The following FUT9 variants were observed in gnomAD, a reference collection of about 807,000 sequenced individuals.
The protein encoded by FUT9 is fucosyltransferase 9.
FUT9 carries 15 observed loss-of-function variants against 29.7 expected under a neutral mutation model. The ratio of observed to expected loss-of-function variants is 0.51; its 90% CI spans 0.34 to 0.78. The LOEUF is 0.78. Among genes scored for constraint, FUT9 ranks in the 30% least tolerant of loss-of-function variants. The pLI is 0.01. For missense variants in FUT9, 319 were observed against 425.4 expected (o/e 0.75, Z 2.20); for synonymous variants, 169 against 153.7 (o/e 1.10, Z -0.74).
At chr6:96,124,410 A>C (rs1034672360) in intron 2 of FUT9, among the ~76,000 whole-genome samples, 1 of 152,080 alleles carries the variant, frequency 6.6e-6, no homozygotes, top group South Asian at 2.1e-4. Flanking sequence ...TCGGCCTCCC[A>C]AAGTGCTGGG....
chr6:96,092,238 C>A (rs1771423214), intron 1 of FUT9, among the ~76,000 whole-genome samples: 1 of 152,040 alleles, frequency 6.6e-6, no homozygotes, highest in African/African-American at 2.4e-5. Flanking sequence ...TGAATTAGAG[C>A]TGTATAAATC....
intron 1 of FUT9, among the ~76,000 whole-genome samples, chr6:96,033,842 A>T (rs1241022143): frequency 6.6e-6 from 1 of 151,802 alleles, no homozygotes; most frequent in Non-Finnish European, 1.5e-5. Flanking sequence ...AAATACACTC[A>T]CACACAAATG....
rs181393054 is a variant in FUT9 at position 96,046,723 on chromosome 6, G to A, written c.-98+30511G>A. On this transcript the variant is annotated intron_variant, in intron 1 of 2. Transcript: ENST00000302103. The stretch of plus-strand genomic sequence containing the variant: ...GCTCCCCACAAATTCTGGCAACATG[G>A]CAAGTGATTAATGAAGATATATGTT... Among the ~76,000 whole-genome samples, 159 of 152,272 alleles carry A rather than the reference G, an allele frequency of 1.0e-3. 2 individuals carry two copies. Among genetic ancestry groups the A allele is most frequent in the Non-Finnish European group, 2.2e-4 (15 of 68,024 alleles).
At chr6:96,143,636 C>T (rs960056677) in intron 2 of FUT9, among the ~76,000 whole-genome samples, 1 of 152,032 alleles carries the variant, frequency 6.6e-6, no homozygotes, top group South Asian at 2.1e-4. Context: ...ATACCACATC[C>T]TCAATACATG....
At chr6:96,201,107 T>C (rs562406291) in intron 2 of FUT9, among the ~76,000 whole-genome samples, 1 of 152,030 alleles carries the variant, frequency 6.6e-6, no homozygotes, top group Non-Finnish European at 1.5e-5. Context: ...GTATTCCTAA[T>C]TTATTGAATT....
At chr6:96,069,260 G>A (rs1424530814) in intron 1 of FUT9, among the ~76,000 whole-genome samples, 1 of 151,872 alleles carries the variant, frequency 6.6e-6, no homozygotes, top group Non-Finnish European at 1.5e-5. Context: ...GGCGGAGGTT[G>A]CAGTGAGCCG....
At chr6:96,045,053 C>T (rs949909295) in intron 1 of FUT9, among the ~76,000 whole-genome samples, 1 of 152,036 alleles carries the variant, frequency 6.6e-6, no homozygotes, top group Non-Finnish European at 1.5e-5. Flanking sequence ...GGAGATTGAC[C>T]AGGCTCACTG....
intron 2 of FUT9, 130 bp from the exon 3 acceptor site, chr6:96,203,018 G>GA: frequency 1.4e-6 from 1 of 692,898 alleles, no homozygotes; most frequent in Non-Finnish European, 2.3e-6. Context: ...TGATAACACT[G>GA]AAAAGGAAAA....
chr6:96,196,199 C>T (rs1404669422), intron 2 of FUT9, among the ~76,000 whole-genome samples: 1 of 152,018 alleles, frequency 6.6e-6, no homozygotes, highest in Non-Finnish European at 1.5e-5. Flanking sequence ...CTAACAAAGA[C>T]AGATTAATAG....
chr6:96,043,729 G>C lies in FUT9; in HGVS notation c.-98+27517G>C, dbSNP rs184079434. Among the ~76,000 whole-genome samples, 108 of 152,208 alleles carry C rather than the reference G, an allele frequency of 7.1e-4. 1 individual carries two copies. Among genetic ancestry groups the C allele is most frequent in the Admixed American group, 1.4e-3 (21 of 15,292 alleles). ...ATAGTTGGAAAGAATGCTCCCACAG[G>C]GGCTTTTTGTAATCTCGAAGGACGT... On this transcript the variant is annotated intron_variant, in intron 1 of 2. Transcript: ENST00000302103.
intron 2 of FUT9, among the ~76,000 whole-genome samples, chr6:96,119,312 C>T (rs1771974720): frequency 6.6e-6 from 1 of 152,072 alleles, no homozygotes; most frequent in African/African-American, 2.4e-5. Context: ...TATACAAATA[C>T]CATTGTGTTA....
chr6:96,101,636 G>A (rs946556638), intron 1 of FUT9, among the ~76,000 whole-genome samples: 6 of 151,932 alleles, frequency 3.9e-5, no homozygotes, highest in Admixed American at 2.6e-4. Flanking sequence ...TTGAGGAGGC[G>A]GGGAAATCTT....
At chr6:96,199,175 G>A (rs1024818231) in intron 2 of FUT9, among the ~76,000 whole-genome samples, 1 of 152,064 alleles carries the variant, frequency 6.6e-6, no homozygotes, top group East Asian at 1.9e-4. Flanking sequence ...GCTATCTCTG[G>A]TGAGCTATAG....
At chr6:96,077,068 G>C (rs747810023) in intron 1 of FUT9, among the ~76,000 whole-genome samples, 1 of 152,096 alleles carries the variant, frequency 6.6e-6, no homozygotes, top group Non-Finnish European at 1.5e-5. Context: ...CCTTCCCCCA[G>C]ATTGACACCT....
At chr6:96,107,786 A>G (rs571688946) in intron 1 of FUT9, among the ~76,000 whole-genome samples, 6 of 152,280 alleles carry the variant, frequency 3.9e-5, no homozygotes, top group Admixed American at 3.3e-4. Context: ...CTAGCCTTCT[A>G]CAGAACATCC....
intron 2 of FUT9, among the ~76,000 whole-genome samples, chr6:96,192,658 T>C (rs1372960411): frequency 1.4e-4 from 22 of 152,224 alleles, no homozygotes; most frequent in Non-Finnish European, 2.9e-4. Flanking sequence ...ATGCCATCCC[T>C]GTCAAGCTAC....
chr6:96,059,133 T>G (rs184338416), intron 1 of FUT9, among the ~76,000 whole-genome samples: 1 of 152,320 alleles, frequency 6.6e-6, no homozygotes, highest in Non-Finnish European at 1.5e-5. Context: ...AAATAATCTG[T>G]GTGGAGGATA....
At chr6:96,049,212 C>T (rs1185724215) in intron 1 of FUT9, among the ~76,000 whole-genome samples, 1 of 152,102 alleles carries the variant, frequency 6.6e-6, no homozygotes. Context: ...TCATCTCTTC[C>T]TTCCAAGGTT....
At chr6:96,124,968 C>A (rs1375230225) in intron 2 of FUT9, among the ~76,000 whole-genome samples, 1 of 152,182 alleles carries the variant, frequency 6.6e-6, no homozygotes, top group East Asian at 1.9e-4. Context: ...TGACTCATTT[C>A]AGCCTGACCT....
Sources: gnomAD v4.1 joint callset for allele counts (sites outside exome capture counted in the v4.1 genomes callset) on GRCh38, gnomAD v4.1.1 for gene constraint, MANE v1.5 for transcripts, NCBI Gene and HGNC (gene_info 2026-07-23, HGNC 2026-07-21) for gene names.